Variants in ZNF18 observed in about 807,000 individuals in gnomAD.
ZNF18 encodes the protein zinc finger protein 18.
In ZNF18, 42 loss-of-function variants were observed where a neutral mutation model predicts 58.1. The ratio of observed to expected loss-of-function variants is 0.72; its 90% CI spans 0.56 to 0.93. The LOEUF is 0.93. ZNF18 is among the 40% of genes least tolerant of loss of function. The pLI, the probability that ZNF18 is intolerant of heterozygous loss-of-function variation, is 0.00. For missense variants in ZNF18, 540 were observed against 644.2 expected, an observed-to-expected ratio of 0.84 and a Z score of 1.75; for synonymous variants, 231 against 239.8, an observed-to-expected ratio of 0.96 and a Z score of 0.34.
upstream of ZNF18, chr17:12,002,253 A>C (rs1449779656): frequency 6.6e-6 from 1 of 152,122 alleles, no homozygotes. Flanking sequence ...CACAAAAATT[A>C]CCTGGGCGTG....
upstream of ZNF18, among the ~76,000 whole-genome samples, chr17:12,000,248 G>A (rs1192807268): frequency 6.6e-6 from 1 of 152,032 alleles, no homozygotes; most frequent in Admixed American, 6.6e-5. Flanking sequence ...GAAACAATGA[G>A]TGACAATAAA....
chr17:12,021,298 C>A, the ZNF18 span: 5 of 203,408 alleles, frequency 2.5e-5, no homozygotes, highest in East Asian at 4.3e-4. Context: ...CCCCCGCGGC[C>A]GTCCCCATCG....
rs1004039186 is a variant in ZNF18, at chr17:11,978,766, G to A, written c.863-22C>T. On this transcript the variant is annotated intron_variant, in intron 6 of 6. Coordinates refer to ENST00000580306, the MANE Select transcript of ZNF18 (RefSeq NM_001303281.2). Reference sequence around the variant, plus strand: ...TCTCCTAAAAGAAGAAAGAAGATTTGAAATGGTTCAAGTGCTATGCCCTGT... The same window carrying A: ...TCTCCTAAAAGAAGAAAGAAGATTTAAAATGGTTCAAGTGCTATGCCCTGT... The A allele has an allele frequency of 2.8e-6, 4 of 1,443,418 alleles. No individual in the cohort carries two copies. The African/African-American group carries it at 4.3e-5, about 16-fold the overall frequency. 89.4% of individuals were successfully genotyped at this position (1,443,418 alleles called of 1,614,324 possible). A position where few individuals can be genotyped will look rare whatever the true frequency, so the allele number is the denominator to read the frequency against.
intron 1 of ZNF18, 40 bp from the exon 2 acceptor site, chr17:11,992,951 G>C: frequency 2.5e-6 from 3 of 1,186,050 alleles, no homozygotes; most frequent in Non-Finnish European, 3.4e-6. Context: ...CAGAGGAAGG[G>C]GACACATTTT....
the ZNF18 span, among the ~76,000 whole-genome samples, chr17:12,011,548 G>A: frequency 6.6e-6 from 1 of 151,874 alleles, no homozygotes; most frequent in Non-Finnish European, 1.5e-5. Flanking sequence ...ACCACACCCA[G>A]GTAATTTTTG....
chr17:11,978,649 GA>G lies in ZNF18; in HGVS notation c.957del (p.Pro320LeufsTer6). Reference protein sequence around the residue: ...LHASCQASGEVPSQASLRGFF... With the variant: ...LHASCQASGEXPSQASLRGFF... Reference sequence around the variant, plus strand: ...AAGCCCCTCAAGGAAGCCTGAGAAGGAACCTCTCCTGAAGCTTGACAGGAAG... The same window carrying G: ...AAGCCCCTCAAGGAAGCCTGAGAAGGACCTCTCCTGAAGCTTGACAGGAAG... On this transcript the variant is annotated frameshift_variant, in exon 7 of 7. Transcript: ENST00000580306. LOFTEE classifies it high-confidence loss of function. 6.2e-7 allele frequency: 1 copy of G among 1,613,728 alleles called. No homozygotes were observed. The highest frequency in any genetic ancestry group is 8.5e-7 in the Non-Finnish European group (1 of 1,179,988).
the ZNF18 span, chr17:12,011,029 T>C: frequency 5.3e-6 from 4 of 750,632 alleles, no homozygotes; most frequent in South Asian, 4.1e-5. Flanking sequence ...TGGGGAACAT[T>C]GTAGACTCTT....
chr17:12,012,874 C>A, the ZNF18 span, among the ~76,000 whole-genome samples: 2 of 151,932 alleles, frequency 1.3e-5, no homozygotes, highest in Non-Finnish European at 2.9e-5. Flanking sequence ...CATTTATATT[C>A]CTTTTCTGTG....
chr17:11,998,801 A>T (rs1968602553), upstream of ZNF18, among the ~76,000 whole-genome samples: 1 of 149,466 alleles, frequency 6.7e-6, no homozygotes, highest in African/African-American at 2.5e-5. Flanking sequence ...TTTCAGCCTG[A>T]CATAGGTGGA....
chr17:11,998,822 CTTTTTTTTTTT>C (rs71142260), upstream of ZNF18, among the ~76,000 whole-genome samples: 3 of 108,522 alleles, frequency 2.8e-5, no homozygotes, highest in Admixed American at 1.0e-4. Context: ...AGTTTCTAGT[CTTTTTTTTTTT>C]TTTTTTTTTT....
the ZNF18 span, among the ~76,000 whole-genome samples, chr17:12,017,625 C>T: frequency 6.6e-6 from 1 of 152,130 alleles, no homozygotes; most frequent in African/African-American, 2.4e-5. Context: ...CCCTTGTAAT[C>T]CCAGCATTTT....
At chr17:11,979,123 G>A (rs1219717039) in intron 6 of ZNF18, among the ~76,000 whole-genome samples, 18 of 139,772 alleles carry the variant, frequency 1.3e-4, no homozygotes, top group Non-Finnish European at 2.3e-4. Context: ...AGATAAATAT[G>A]GTAACTAAAA....
chr17:12,009,457 CTTT>C, the ZNF18 span, among the ~76,000 whole-genome samples: 513 of 109,232 alleles, frequency 4.7e-3, 4 homozygotes, highest in African/African-American at 0.016. Flanking sequence ...TTTTTTTTTT[CTTT>C]TTCTTTTTTC....
Position 11,978,556 on chromosome 17 carries a change from G to A in ZNF18, c.1051C>T (p.Gln351Ter), listed in dbSNP as rs1266224375. 3.7e-6 allele frequency: 6 copies of A among 1,613,566 alleles called. No individual in the cohort carries two copies. The South Asian group carries it at 6.6e-5, about 18-fold the overall frequency. Residue 351 changes from glutamine to a stop codon, truncating the protein, a stop_gained, in exon 7 of 7, where the codon CAG becomes TAG. Coordinates refer to ENST00000580306, the MANE Select transcript of ZNF18 (RefSeq NM_001303281.2). LOFTEE classifies it high-confidence loss of function. ...AGCTGTTCCCCTGTTCCCTCATCCT[G>A]AATGTTTTGCAGAGCCTCAGGGAGA... is the stretch of plus-strand genomic sequence containing the variant. ...ENLPEALQNI[Q>*]DEGTGEQLSP...
At chr17:11,979,010 T>C (rs935532519) in intron 6 of ZNF18, among the ~76,000 whole-genome samples, 5 of 151,598 alleles carry the variant, frequency 3.3e-5, no homozygotes, top group African/African-American at 1.2e-4. Context: ...AAGTGATCAC[T>C]CCGTAAATAA....
At chr17:11,996,385 C>G (rs1330156892) in intron 1 of ZNF18, among the ~76,000 whole-genome samples, 1 of 151,988 alleles carries the variant, frequency 6.6e-6, no homozygotes, top group Non-Finnish European at 1.5e-5. Flanking sequence ...TTATCTGTTT[C>G]CTAAATTAAG....
the ZNF18 span, among the ~76,000 whole-genome samples, chr17:12,016,096 T>C: frequency 6.6e-6 from 1 of 152,268 alleles, no homozygotes; most frequent in African/African-American, 2.4e-5. Context: ...CAGCCTGATA[T>C]TTGTTTACAG....
At chr17:11,986,122 C>T (rs1166535196) in intron 4 of ZNF18, among the ~76,000 whole-genome samples, 1 of 152,166 alleles carries the variant, frequency 6.6e-6, no homozygotes, top group Admixed American at 6.5e-5. Context: ...AAGATAACAT[C>T]CGATGGCTTT....
chr17:12,010,221 G>A, the ZNF18 span, among the ~76,000 whole-genome samples: 4 of 151,726 alleles, frequency 2.6e-5, no homozygotes, highest in Admixed American at 2.6e-4. Context: ...TTTACTAAAT[G>A]AACAGGATTT....
Sources: gnomAD v4.1 joint callset for allele counts (sites outside exome capture counted in the v4.1 genomes callset) on GRCh38, gnomAD v4.1.1 for gene constraint, MANE v1.5 for transcripts, NCBI Gene and HGNC (gene_info 2026-07-23, HGNC 2026-07-21) for gene names.